Variants in DR1 observed in about 807,000 individuals in gnomAD.
DR1 encodes protein Dr1.
DR1 carries 7 observed loss-of-function variants against 19.9 expected under a neutral mutation model. The observed-to-expected ratio is 0.35, with a 90% CI of 0.20 to 0.66. DR1 has a LOEUF of 0.66. Among genes scored for constraint, DR1 ranks in the 30% least tolerant of loss-of-function variants. DR1 has a pLI of 0.66. For synonymous variants in DR1, 76 were observed against 72.5 expected (o/e 1.05, Z -0.24); for missense variants, 98 against 203.7 (o/e 0.48, Z 3.16).
intron 1 of DR1, among the ~76,000 whole-genome samples, chr1:93,349,806 C>T (rs1392732342): frequency 6.6e-6 from 1 of 151,924 alleles, no homozygotes; most frequent in African/African-American, 2.4e-5. Context: ...AGGGAAAGAC[C>T]AACACTCAAT....
chr1:93,354,392 A>G (rs891018024), intron 2 of DR1, among the ~76,000 whole-genome samples: 2 of 152,196 alleles, frequency 1.3e-5, no homozygotes, highest in Non-Finnish European at 2.9e-5. Flanking sequence ...AGAAAATACT[A>G]TATCAAATTT....
At chr1:93,356,874 A>G (rs1214376024) in intron 2 of DR1, among the ~76,000 whole-genome samples, 1 of 152,004 alleles carries the variant, frequency 6.6e-6, no homozygotes, top group East Asian at 1.9e-4. Context: ...GGCATGCACC[A>G]CCATGCCTGG....
In DR1 at chr1:93,368,464, A is replaced by G. The variant is rs1365940918; in HGVS notation, c.*7825A>G. 1.3e-5 allele frequency: 2 copies of G among 152,228 alleles called. No homozygotes were observed. The highest frequency in any genetic ancestry group is 2.9e-5 in the Non-Finnish European group (2 of 68,042). The allele number at this position is 152,228 out of a possible 1,614,324, so 9.4% of individuals were successfully genotyped here. ...AGAGAGATAGTATTAGAAAGTATGT[A>G]TGCAGCAAAGGATGGAGAAACTGTC... On this transcript the variant is annotated 3_prime_UTR_variant, in exon 3 of 3. Coordinates refer to ENST00000370272, the MANE Select transcript of DR1 (RefSeq NM_001938.3).
At chr1:93,356,105 A>G (rs1441003654) in intron 2 of DR1, among the ~76,000 whole-genome samples, 3 of 152,184 alleles carry the variant, frequency 2.0e-5, no homozygotes, top group East Asian at 1.9e-4. Flanking sequence ...TCACACCCCA[A>G]TTTTAGAAGA....
At chr1:93,353,195 C>G (rs1019272773) in intron 1 of DR1, among the ~76,000 whole-genome samples, 3 of 152,030 alleles carry the variant, frequency 2.0e-5, no homozygotes, top group Admixed American at 6.6e-5. Flanking sequence ...ATGCCTAGCC[C>G]ATTTTTTTTT....
In DR1 at chr1:93,369,397, T is replaced by A. The variant is rs986991587; in HGVS notation, c.*8758T>A. 1 of 152,230 alleles carries A rather than the reference T, an allele frequency of 6.6e-6. No individual in the cohort carries two copies. The highest frequency in any genetic ancestry group is 1.5e-5 in the Non-Finnish European group (1 of 68,038). The allele number at this position is 152,230 out of a possible 1,614,324, so 9.4% of individuals were successfully genotyped here. A position where few individuals can be genotyped will look rare whatever the true frequency, so the allele number is the denominator to read the frequency against. ...AGGAAGCAGAGGTAATGTCTGTTAC[T>A]ATTTTCAGCTCCCTTTTTCTGTCCA... On this transcript the variant is annotated 3_prime_UTR_variant, in exon 3 of 3. Coordinates refer to ENST00000370272, the MANE Select transcript of DR1 (RefSeq NM_001938.3).
rs1017342144 is a variant in DR1, at chr1:93,367,357, G to A, written c.*6718G>A. 5.9e-5 allele frequency: 9 copies of A among 152,142 alleles called. No homozygotes were observed. Among genetic ancestry groups the A allele is most frequent in the African/African-American group, 2.2e-4 (9 of 41,420 alleles). 9.4% of individuals were successfully genotyped at this position (152,142 alleles called of 1,614,324 possible). A position where few individuals can be genotyped will look rare whatever the true frequency, so the allele number is the denominator to read the frequency against. ...GTGCTTTCATACTGCATCATTTATT[G>A]TGCATTTGTATGATTATTATATACT... On this transcript the variant is annotated 3_prime_UTR_variant, in exon 3 of 3. Coordinates refer to ENST00000370272, the MANE Select transcript of DR1 (RefSeq NM_001938.3).
chr1:93,350,256 C>T (rs1666900193), intron 1 of DR1, among the ~76,000 whole-genome samples: 1 of 152,140 alleles, frequency 6.6e-6, no homozygotes, highest in African/African-American at 2.4e-5. Context: ...TCCTTCTCTG[C>T]CATTAGTCTC....
Position 93,365,853 on chromosome 1 carries a change from C to G in DR1, c.*5214C>G, listed in dbSNP as rs1667121869. 6.6e-6 allele frequency: 1 copy of G among 152,178 alleles called. No individual in the cohort carries two copies. Among genetic ancestry groups the G allele is most frequent in the Non-Finnish European group, 1.5e-5 (1 of 68,034 alleles). 9.4% of individuals were successfully genotyped at this position (152,178 alleles called of 1,614,324 possible). Reference sequence around the variant, plus strand: ...CTTTTCTACCTCATTGTTAGCCACACCCAGTTTGAAACAGATGAGGTATGC... The same window carrying G: ...CTTTTCTACCTCATTGTTAGCCACAGCCAGTTTGAAACAGATGAGGTATGC... On this transcript the variant is annotated 3_prime_UTR_variant, in exon 3 of 3. Transcript: ENST00000370272.
At chr1:93,349,986 C>T (rs1666896874) in intron 1 of DR1, among the ~76,000 whole-genome samples, 1 of 152,126 alleles carries the variant, frequency 6.6e-6, no homozygotes, top group African/African-American at 2.4e-5. Flanking sequence ...AAACCAGTCT[C>T]TGTTGGAAAG....
At chr1:93,356,011 T>G (rs146740659) in intron 2 of DR1, among the ~76,000 whole-genome samples, 1 of 152,276 alleles carries the variant, frequency 6.6e-6, no homozygotes, top group African/African-American at 2.4e-5. Flanking sequence ...GTCATTTTAA[T>G]ATGTGGGAGT....
rs1337223190 is a variant in DR1 at position 93,361,820 on chromosome 1, C to T, written c.*1181C>T. On this transcript the variant is annotated 3_prime_UTR_variant, in exon 3 of 3. Coordinates refer to ENST00000370272, the MANE Select transcript of DR1 (RefSeq NM_001938.3). ...ATAAGTTGTGTTATAACTTATCAGCCGTATATGGAACATAAATAGTTTCTA... is the reference window on the plus strand; with the variant it reads ...ATAAGTTGTGTTATAACTTATCAGCTGTATATGGAACATAAATAGTTTCTA... 3.3e-5 allele frequency: 5 copies of T among 152,350 alleles called. No individual in the cohort carries two copies. Among genetic ancestry groups the T allele is most frequent in the Admixed American group, 2.0e-4 (3 of 15,268 alleles). The allele number at this position is 152,350 out of a possible 1,614,324, so 9.4% of individuals were successfully genotyped here. A position where few individuals can be genotyped will look rare whatever the true frequency, so the allele number is the denominator to read the frequency against.
chr1:93,357,589 T>G (rs911530813), intron 2 of DR1, among the ~76,000 whole-genome samples: 1 of 152,158 alleles, frequency 6.6e-6, no homozygotes, highest in Non-Finnish European at 1.5e-5. Context: ...CACTTATTCC[T>G]CAAATTTAAC....
Position 93,365,348 on chromosome 1 carries a change from T to G in DR1, c.*4709T>G, listed in dbSNP as rs1205956728. 2 of 152,196 alleles carry G rather than the reference T, an allele frequency of 1.3e-5. No homozygotes were observed. The highest frequency in any genetic ancestry group is 1.3e-4 in the Admixed American group (2 of 15,286). The allele number at this position is 152,196 out of a possible 1,614,324, so 9.4% of individuals were successfully genotyped here. The stretch of plus-strand genomic sequence containing the variant: ...GAACAGGGTTTCTCAAACCAAGCAT[T>G]GTTAGTATTTGGGGTTGGTTAAGTC... On this transcript the variant is annotated 3_prime_UTR_variant, in exon 3 of 3. Transcript: ENST00000370272.
chr1:93,346,882 A>C lies in DR1; in HGVS notation c.220+17A>C. 1 of 1,594,066 alleles carries C rather than the reference A, an allele frequency of 6.3e-7. No homozygotes were observed. Among genetic ancestry groups the C allele is most frequent in the Non-Finnish European group, 8.6e-7 (1 of 1,167,416 alleles). On this transcript the variant is annotated intron_variant, in intron 1 of 2. Transcript: ENST00000370272. The stretch of plus-strand genomic sequence containing the variant: ...TCATACAAGGTAAGTCGTGTGTGAG[A>C]GCTGGTTTGAATGAGGTTCTAGGGT...
At chr1:93,355,705 G>A (rs1307289666) in intron 2 of DR1, 3 of 151,834 alleles carry the variant, frequency 2.0e-5, no homozygotes, top group African/African-American at 7.3e-5. Flanking sequence ...TGTCTCCCTT[G>A]TTTCTTACCC....
chr1:93,351,088 T>C, intron 1 of DR1, among the ~76,000 whole-genome samples: 1 of 152,172 alleles, frequency 6.6e-6, no homozygotes, highest in East Asian at 1.9e-4. Flanking sequence ...AATATTCTCT[T>C]TGTGTAAAAT....
intron 1 of DR1, among the ~76,000 whole-genome samples, chr1:93,350,590 G>T (rs999915023): frequency 6.6e-6 from 1 of 152,104 alleles, no homozygotes; most frequent in African/African-American, 2.4e-5. Context: ...ACATCACTTT[G>T]TAAAATAAGA....
At position 93,360,580 on chromosome 1, in the gene DR1, G is replaced by A; in HGVS notation, c.472G>A (p.Ala158Thr). Residue 158 changes from alanine to threonine, a missense_variant, in exon 3 of 3, where the codon GCC becomes ACC. Transcript: ENST00000370272. ...ACAAGCCCAGCTTGCTGCTGCCTCAGCCAGTGCATCTAATCAGGCGGGATC... is the reference window on the plus strand; with the variant it reads ...ACAAGCCCAGCTTGCTGCTGCCTCAACCAGTGCATCTAATCAGGCGGGATC... ...AQQAQLAAAS[A>T]SASNQAGSSQ... The A allele has an allele frequency of 3.1e-6, 5 of 1,597,558 alleles. No homozygotes were observed. Among genetic ancestry groups the A allele is most frequent in the Non-Finnish European group, 4.3e-6 (5 of 1,174,110 alleles).
Sources: gnomAD v4.1 joint callset for allele counts (sites outside exome capture counted in the v4.1 genomes callset) on GRCh38, gnomAD v4.1.1 for gene constraint, MANE v1.5 for transcripts, NCBI Gene and HGNC (gene_info 2026-07-23, HGNC 2026-07-21) for gene names.